Variants in UBE2J2 observed in about 807,000 individuals in gnomAD.
UBE2J2 encodes ubiquitin-conjugating enzyme E2 J2.
UBE2J2 carries 5 observed loss-of-function variants against 28.6 expected under a neutral mutation model. That is an observed-to-expected ratio of 0.17 (90% CI 0.09 to 0.37). The LOEUF (loss-of-function observed/expected upper bound fraction) is 0.37, where lower values mean the gene tolerates loss of function less well. Among genes scored for constraint, UBE2J2 ranks in the 10% least tolerant of loss-of-function variants. The probability of loss-of-function intolerance (pLI) is 1.00; values close to 1 mark genes in which losing one functional copy is unlikely to be tolerated. For missense variants in UBE2J2, 226 were observed against 338.9 expected, an observed-to-expected ratio of 0.67 and a Z score of 2.62; for synonymous variants, 138 against 139.7, an observed-to-expected ratio of 0.99 and a Z score of 0.09.
rs780328587 is a variant in UBE2J2, at chr1:1,255,212, C to T, written c.771G>A (p.Ala257=). Residue 257 remains alanine (A), a synonymous_variant, in exon 7 of 7, where the codon GCG becomes GCA. Coordinates refer to ENST00000349431, the MANE Select transcript of UBE2J2 (RefSeq NM_058167.3). ...YTVKYVLRSI[A]QE ...TCTCGGCGCCTGGGCCTCACTCCTGCGCGATGCTCCTCAGCACGTACTTGA... is the reference window on the plus strand; with the variant it reads ...TCTCGGCGCCTGGGCCTCACTCCTGTGCGATGCTCCTCAGCACGTACTTGA... 21 of 1,595,878 alleles carry T rather than the reference C, an allele frequency of 1.3e-5. No individual in the cohort carries two copies. Among genetic ancestry groups the T allele is most frequent in the African/African-American group, 2.7e-5 (2 of 74,682 alleles).
rs181158005 is a variant in UBE2J2 at position 1,268,184 on chromosome 1, C to A, written c.1-192G>T. Among the ~76,000 whole-genome samples the A allele has an allele frequency of 6.6e-6, 1 of 152,108 alleles. No individual in the cohort carries two copies. Among genetic ancestry groups the A allele is most frequent in the Admixed American group, 6.5e-5 (1 of 15,270 alleles). On this transcript the variant is annotated intron_variant, in intron 1 of 6. Coordinates refer to ENST00000349431, the MANE Select transcript of UBE2J2 (RefSeq NM_058167.3). This position sits in a 1 kb window ranked among gnomAD's most constrained non-coding sequence, Gnocchi z 4.7. ...AGAGGCCCTGCGGCTTCTCTCTTCC[C>A]GTCTGTCCCGCCACCACCTTCATTG... is the stretch of plus-strand genomic sequence containing the variant.
intron 3 of UBE2J2, 97 bp from the exon 4 acceptor site, chr1:1,257,407 CCT>C (rs1553154854): frequency 2.0e-4 from 110 of 554,610 alleles, no homozygotes; most frequent in African/African-American, 9.7e-4. Flanking sequence ...CCCCCCCCCC[CCT>C]CAGCTCGGCT....
rs1167997686 is a variant in UBE2J2 at position 1,257,022 on chromosome 1, G to A, written c.384C>T (p.Thr128=). Residue 128 remains threonine, a synonymous_variant, in exon 5 of 7, where the codon ACC becomes ACT. Coordinates refer to ENST00000349431, the MANE Select transcript of UBE2J2 (RefSeq NM_058167.3). ...LLSFMVEKGP[T]LGSIETSDFT... ...AGTCCGACGTCTCTATACTGCCCAGGGTGGGGCCCTTCTCCACCATGAAGC... is the reference window on the plus strand; with the variant it reads ...AGTCCGACGTCTCTATACTGCCCAGAGTGGGGCCCTTCTCCACCATGAAGC... 14 of 1,610,916 alleles carry A rather than the reference G, an allele frequency of 8.7e-6. No individual in the cohort carries two copies. Among genetic ancestry groups the A allele is most frequent in the African/African-American group, 8.0e-5 (6 of 74,760 alleles).
intron 3 of UBE2J2, among the ~76,000 whole-genome samples, chr1:1,257,890 T>A (rs1639303757): frequency 6.6e-6 from 1 of 151,902 alleles, no homozygotes; most frequent in Admixed American, 6.6e-5. Context: ...CCTGACCTGA[T>A]CCCCTGGATT....
Position 1,267,905 on chromosome 1 carries a change from G to A in UBE2J2, c.88C>T (p.Pro30Ser), listed in dbSNP as rs1365282861. The A allele has an allele frequency of 1.2e-6, 2 of 1,614,120 alleles. No individual in the cohort carries two copies. The highest frequency in any genetic ancestry group is 1.7e-5 in the Admixed American group (1 of 60,034). Reference protein sequence around the residue: ...DYLRIKKDPVPYICAEPLPSN... With the variant: ...DYLRIKKDPVSYICAEPLPSN... ...GGGAGGGGCTCGGCACAGATGTAAG[G>A]CACCGGGTCTTTCTTAATGCGAAGG... The change falls in exon 2 of 7, where the codon CCT (proline) becomes TCT (serine). Residue 30 changes from proline (P) to serine (S), a missense_variant. By Grantham distance (74) the Pro-to-Ser change is moderately conservative (BLOSUM62 -1). Around this residue, in one of 3 missense-constraint regions of UBE2J2, gnomAD observed 80 missense variants for 114.5 expected, o/e 0.70. Coordinates refer to ENST00000349431, the MANE Select transcript of UBE2J2 (RefSeq NM_058167.3).
At chr1:1,255,619 C>T in intron 6 of UBE2J2, 132 bp from the exon 7 acceptor site, 1 of 1,154,996 alleles carries the variant, frequency 8.7e-7, no homozygotes, top group Non-Finnish European at 1.2e-6. Context: ...CCGACCCCAT[C>T]TCACAGGTGA....
rs746833750 is a variant in UBE2J2, at chr1:1,257,142, G to A, written c.276-12C>T. 10 of 1,608,938 alleles carry A rather than the reference G, an allele frequency of 6.2e-6. No individual in the cohort carries two copies. Among genetic ancestry groups the A allele is most frequent in the Non-Finnish European group, 5.1e-6 (6 of 1,177,116 alleles). ...TAGAAAGACACAGCCTGCAAAACGG[G>A]GGCCCCGTCAGTGCACACTCCCCAC... is the stretch of plus-strand genomic sequence containing the variant. On this transcript the variant is annotated splice_polypyrimidine_tract_variant and intron_variant, in intron 4 of 6. Transcript: ENST00000349431.
At position 1,255,424 on chromosome 1, in the gene UBE2J2, G is replaced by T; in HGVS notation, c.559C>A (p.Pro187Thr). ...GTCTCCCCGTCTGGAACCACGTCTG[G>T]CAAGGGGAGAGTCTGGGGTCTGCTA... The part of the protein sequence containing the change: ...LSSRPQTLPL[P>T]DVVPDGETHL... The change falls in exon 7 of 7, where the codon CCA (proline) becomes ACA (threonine). Residue 187 changes from proline to threonine, a missense_variant. Physicochemically the swap from Pro to Thr is conservative, Grantham distance 38. This residue lies in a region of UBE2J2 where 133 missense variants were observed against 161.5 expected (regional missense o/e 0.82). Coordinates refer to ENST00000349431, the MANE Select transcript of UBE2J2 (RefSeq NM_058167.3). 1 of 1,613,934 alleles carries T rather than the reference G, an allele frequency of 6.2e-7. No homozygotes were observed. Among genetic ancestry groups the T allele is most frequent in the Non-Finnish European group, 8.5e-7 (1 of 1,180,016 alleles).
intron 2 of UBE2J2, among the ~76,000 whole-genome samples, chr1:1,265,171 T>C (rs539654855): frequency 5.5e-4 from 84 of 152,228 alleles, no homozygotes; most frequent in Admixed American, 3.6e-3. Context: ...TGAGAGAAGA[T>C]GGGATCCACG....
intron 3 of UBE2J2, 35 bp downstream of exon 3, chr1:1,263,311 G>A (rs566810380): frequency 5.6e-6 from 9 of 1,597,912 alleles, no homozygotes; most frequent in East Asian, 4.5e-5. Flanking sequence ...TATAAAAACC[G>A]CCTGGTGTTC....
At chr1:1,272,626 G>C (rs1184300046) in intron 1 of UBE2J2, among the ~76,000 whole-genome samples, 1 of 152,094 alleles carries the variant, frequency 6.6e-6, no homozygotes, top group Non-Finnish European at 1.5e-5. Flanking sequence ...TGGGTCACCT[G>C]CCTGTCACTC....
At chr1:1,273,489 C>T (rs1389045302) in intron 1 of UBE2J2, 177 bp downstream of exon 1, 3 of 152,122 alleles carry the variant, frequency 2.0e-5, no homozygotes, top group Admixed American at 6.5e-5. Context: ...GGGAGCCCGC[C>T]GTAACCGACC....
At chr1:1,266,635 C>G (rs1201231088) in intron 2 of UBE2J2, among the ~76,000 whole-genome samples, 1 of 152,052 alleles carries the variant, frequency 6.6e-6, no homozygotes, top group African/African-American at 2.4e-5. Flanking sequence ...TCCTGGCTAA[C>G]ACGGTGAAAC....
intron 2 of UBE2J2, chr1:1,266,308 T>C: frequency 3.0e-6 from 2 of 675,216 alleles, no homozygotes; most frequent in Non-Finnish European, 4.2e-6. Context: ...TAAAAAAAAT[T>C]AGGCCAGGCA....
At chr1:1,270,760 A>C (rs1428562623) in intron 1 of UBE2J2, among the ~76,000 whole-genome samples, 2 of 152,086 alleles carry the variant, frequency 1.3e-5, no homozygotes, top group Non-Finnish European at 2.9e-5. Context: ...TCCACAGCCA[A>C]GCAAATAAAC....
chr1:1,272,612 T>G (rs1640211563), intron 1 of UBE2J2, among the ~76,000 whole-genome samples: 1 of 152,188 alleles, frequency 6.6e-6, no homozygotes, highest in East Asian at 1.9e-4. Flanking sequence ...CACATGCACC[T>G]GCCTGGGTCA....
At chr1:1,269,235 C>T (rs1640029492) in intron 1 of UBE2J2, among the ~76,000 whole-genome samples, 1 of 145,502 alleles carries the variant, frequency 6.9e-6, no homozygotes, top group African/African-American at 2.6e-5. Flanking sequence ...ACACCCGAGA[C>T]TGGGGAGAGG....
At chr1:1,259,063 ATG>A (rs772813677) in intron 3 of UBE2J2, among the ~76,000 whole-genome samples, 9 of 144,194 alleles carry the variant, frequency 6.2e-5, no homozygotes, top group East Asian at 2.1e-4. Flanking sequence ...ACGTGTGTGC[ATG>A]TGTGTGTGCA....
chr1:1,261,508 C>T (rs377326860), intron 3 of UBE2J2, among the ~76,000 whole-genome samples: 11 of 152,242 alleles, frequency 7.2e-5, no homozygotes, highest in African/African-American at 2.4e-4. Context: ...AGCAACTGAC[C>T]TAGCTGGTGA....
Sources: gnomAD v4.1 joint callset for allele counts (sites outside exome capture counted in the v4.1 genomes callset) on GRCh38, gnomAD v4.1.1 for gene constraint, gnomAD v4.1.1 regional missense constraint, Gnocchi (gnomAD v3.1) non-coding constraint, MANE v1.5 for transcripts, NCBI Gene and HGNC (gene_info 2026-07-23, HGNC 2026-07-21) for gene names.